The following NXPE2 variants were observed in gnomAD, a reference collection of about 807,000 sequenced individuals.
NXPE2 encodes the protein NXPE family member 2.
Under a neutral mutation model 34.4 loss-of-function variants are expected in NXPE2, and 34 were observed. That is an observed-to-expected ratio of 0.99 (90% confidence interval 0.75 to 1.31). The LOEUF is 1.31. Ranked by LOEUF, NXPE2 falls within the 40% of genes most tolerant of loss-of-function variation. The pLI is 0.00. For synonymous variants in NXPE2, 235 were observed against 231.3 expected (o/e 1.02, Z -0.15); for missense variants, 649 against 672.5 (o/e 0.97, Z 0.39).
At chr11:114,540,076 C>T in the NXPE2 span, among the ~76,000 whole-genome samples, 7 of 152,298 alleles carry the variant, frequency 4.6e-5, no homozygotes, top group South Asian at 8.3e-4. Context: ...CTGCCTCAGC[C>T]GCCTGAATAG....
chr11:114,553,456 T>A, the NXPE2 span, among the ~76,000 whole-genome samples: 1 of 152,214 alleles, frequency 6.6e-6, no homozygotes, highest in African/African-American at 2.4e-5. Flanking sequence ...TGGTTAGAGT[T>A]GGCTCCTTTG....
At chr11:114,632,314 T>A in the NXPE2 span, among the ~76,000 whole-genome samples, 5 of 136,524 alleles carry the variant, frequency 3.7e-5, no homozygotes, top group East Asian at 9.9e-4. Context: ...CCACCAATAC[T>A]TATTATCCAC....
chr11:114,711,576 C>A (rs554666876), downstream of NXPE2, among the ~76,000 whole-genome samples: 1 of 151,962 alleles, frequency 6.6e-6, no homozygotes, highest in Non-Finnish European at 1.5e-5. Context: ...GATGAAAGAC[C>A]AAAAAGTATA....
chr11:114,679,469 G>A lies in NXPE2; in HGVS notation c.27-188G>A, dbSNP rs117141028. Among the ~76,000 whole-genome samples the A allele has an allele frequency of 8.2e-3, 1,244 of 152,084 alleles. 4 individuals carry two copies. Among genetic ancestry groups the A allele is most frequent in the Middle Eastern group, 0.014 (4 of 294 alleles). On this transcript the variant is annotated intron_variant, in intron 1 of 5. Coordinates refer to ENST00000389586, the MANE Select transcript of NXPE2 (RefSeq NM_182495.6). ...GTATCAGAAACCAGGAGTCCTTCTA[G>A]GAGTTTTGTTCCCTGCCTCAGGGAA... is the stretch of plus-strand genomic sequence containing the variant.
chr11:114,627,969 A>G, the NXPE2 span, among the ~76,000 whole-genome samples: 13 of 152,108 alleles, frequency 8.5e-5, no homozygotes, highest in Admixed American at 8.5e-4. Context: ...AGAAGAGCTA[A>G]CTATCCTAAA....
At chr11:114,619,352 A>C in the NXPE2 span, among the ~76,000 whole-genome samples, 1 of 150,744 alleles carries the variant, frequency 6.6e-6, no homozygotes, top group East Asian at 2.0e-4. Flanking sequence ...AACCACTGTT[A>C]CCCGGTAGAT....
At chr11:114,656,381 T>C in the NXPE2 span, among the ~76,000 whole-genome samples, 4 of 152,186 alleles carry the variant, frequency 2.6e-5, no homozygotes, top group Admixed American at 2.0e-4. Context: ...TTCAGTGCTA[T>C]TCCCATCAAA....
chr11:114,788,018 G>T, the NXPE2 span, among the ~76,000 whole-genome samples: 5 of 152,194 alleles, frequency 3.3e-5, no homozygotes, highest in African/African-American at 1.2e-4. Flanking sequence ...AGGACATTCA[G>T]AGTAAGGGGC....
the NXPE2 span, among the ~76,000 whole-genome samples, chr11:114,740,268 C>T: frequency 1.1e-4 from 16 of 152,030 alleles, no homozygotes; most frequent in Non-Finnish European, 2.4e-4. Context: ...ACTGAAACCC[C>T]GGAAAGTAAA....
the NXPE2 span, among the ~76,000 whole-genome samples, chr11:114,757,825 A>C: frequency 6.6e-6 from 1 of 152,214 alleles, no homozygotes; most frequent in Non-Finnish European, 1.5e-5. Flanking sequence ...ACAAATATTC[A>C]CATTCAGGAG....
the NXPE2 span, among the ~76,000 whole-genome samples, chr11:114,620,745 A>G: frequency 6.6e-6 from 1 of 152,076 alleles, no homozygotes; most frequent in East Asian, 1.9e-4. Context: ...TACCCGATGT[A>G]TAATAAGTAT....
chr11:114,761,735 G>A, the NXPE2 span, among the ~76,000 whole-genome samples: 2 of 151,260 alleles, frequency 1.3e-5, no homozygotes, highest in African/African-American at 2.4e-5. Context: ...CACCGCGCCC[G>A]GCTAATTTTT....
chr11:114,640,872 A>G, the NXPE2 span, among the ~76,000 whole-genome samples: 2 of 152,022 alleles, frequency 1.3e-5, no homozygotes, highest in African/African-American at 4.8e-5. Context: ...TCAAATGTGT[A>G]GGTTACAAAT....
chr11:114,569,177 G>A, the NXPE2 span, among the ~76,000 whole-genome samples: 1 of 152,124 alleles, frequency 6.6e-6, no homozygotes, highest in African/African-American at 2.4e-5. Context: ...GGGCCTGGTG[G>A]TATCTGGGGC....
the NXPE2 span, among the ~76,000 whole-genome samples, chr11:114,779,801 G>T: frequency 6.6e-6 from 1 of 152,058 alleles, no homozygotes; most frequent in Non-Finnish European, 1.5e-5. Context: ...CTTTTCACAC[G>T]CCGGTGATTC....
the NXPE2 span, chr11:114,552,212 A>G: frequency 6.6e-6 from 1 of 152,178 alleles, no homozygotes; most frequent in Non-Finnish European, 1.5e-5. Context: ...TTGAATCACT[A>G]CCTTCTGATT....
At chr11:114,652,321 G>A in the NXPE2 span, among the ~76,000 whole-genome samples, 5 of 152,288 alleles carry the variant, frequency 3.3e-5, no homozygotes, top group East Asian at 7.7e-4. Context: ...TACCCCTTTG[G>A]AAAGGCTTCA....
the NXPE2 span, among the ~76,000 whole-genome samples, chr11:114,777,312 C>G: frequency 3.9e-5 from 6 of 152,156 alleles, no homozygotes; most frequent in African/African-American, 1.4e-4. Flanking sequence ...ACTATGGTGA[C>G]CCAGGATACC....
chr11:114,731,193 G>A, the NXPE2 span, among the ~76,000 whole-genome samples: 8 of 146,946 alleles, frequency 5.4e-5, no homozygotes, highest in South Asian at 8.6e-4. Flanking sequence ...CATACCTATC[G>A]GAATATTTAA....
Sources: gnomAD v4.1 joint callset for allele counts (sites outside exome capture counted in the v4.1 genomes callset) on GRCh38, gnomAD v4.1.1 for gene constraint, MANE v1.5 for transcripts, NCBI Gene and HGNC (gene_info 2026-07-23, HGNC 2026-07-21) for gene names.